The following CNOT6L variants were observed in gnomAD, a reference collection of about 807,000 sequenced individuals.
CNOT6L encodes the protein CCR4-NOT transcription complex subunit 6 like, also known as CCR4-NOT transcription complex subunit 6-like.
Under a neutral mutation model 64.0 loss-of-function variants are expected in CNOT6L, and 7 were observed. The ratio of observed to expected loss-of-function variants is 0.11; its 90% CI spans 0.06 to 0.21. The LOEUF is 0.21. Ranked by LOEUF, CNOT6L falls within the 10% of genes least tolerant of loss-of-function variation. The pLI, the probability that CNOT6L is intolerant of heterozygous loss-of-function variation, is 1.00. For missense variants in CNOT6L, 245 were observed against 669.0 expected (o/e 0.37, Z 6.99); for synonymous variants, 193 against 243.4 (o/e 0.79, Z 1.93).
At chr4:77,786,470 A>G (rs1252060401) in intron 1 of CNOT6L, among the ~76,000 whole-genome samples, 1 of 152,088 alleles carries the variant, frequency 6.6e-6, no homozygotes, top group African/African-American at 2.4e-5. Context: ...AAATAAAAGT[A>G]AATTAAAAAA....
In CNOT6L at chr4:77,718,430, A is replaced by G. The variant is rs1720966315; in HGVS notation, c.*2001T>C. 6.6e-6 allele frequency: 1 copy of G among 152,654 alleles called. No individual in the cohort carries two copies. The highest frequency in any genetic ancestry group is 2.1e-4 in the South Asian group (1 of 4,832). The allele number at this position is 152,654 out of a possible 1,614,324, so 9.5% of individuals were successfully genotyped here. A position where few individuals can be genotyped will look rare whatever the true frequency, so the allele number is the denominator to read the frequency against. ...TAGATGTTGGATACTTGAGGTATAT[A>G]AGAAGGGAAACCTGCATGTTGAGGA... On this transcript the variant is annotated 3_prime_UTR_variant, in exon 12 of 12. Coordinates refer to ENST00000504123, the MANE Select transcript of CNOT6L (RefSeq NM_144571.3).
intron 4 of CNOT6L, among the ~76,000 whole-genome samples, chr4:77,759,165 AAACTGATAC>A (rs1290617484): frequency 6.6e-6 from 1 of 152,056 alleles, no homozygotes; most frequent in African/African-American, 2.4e-5. Flanking sequence ...TTAAATAAAT[AAACTGATAC>A]AAGATGCACA....
chr4:77,724,813 A>G (rs1444476833), intron 11 of CNOT6L, among the ~76,000 whole-genome samples: 2 of 151,762 alleles, frequency 1.3e-5, no homozygotes, highest in Non-Finnish European at 2.9e-5. Context: ...AGTTACAAGG[A>G]TAGGATTTAA....
chr4:77,728,352 A>G (rs1023638114), intron 10 of CNOT6L, among the ~76,000 whole-genome samples: 1 of 152,212 alleles, frequency 6.6e-6, no homozygotes, highest in Admixed American at 6.5e-5. Flanking sequence ...ATCAACTGCA[A>G]ATCCCTCCCC....
chr4:77,805,065 A>C lies in CNOT6L; in HGVS notation c.5+14239T>G, dbSNP rs557687103. 2.6e-3 allele frequency among the ~76,000 whole-genome samples: 403 copies of C among 152,228 alleles called. 5 individuals are homozygous for C. The highest frequency in any genetic ancestry group is 2.0e-3 in the Non-Finnish European group (137 of 68,004). On this transcript the variant is annotated intron_variant, in intron 1 of 11. Transcript: ENST00000504123. The stretch of plus-strand genomic sequence containing the variant: ...GAGAAACCCATGTATATAGAGGGCC[A>C]ATTTTTCATATACATGGCAGGACCT...
At chr4:77,811,894 A>G (rs1474162596) in intron 1 of CNOT6L, among the ~76,000 whole-genome samples, 1 of 142,010 alleles carries the variant, frequency 7.0e-6, no homozygotes, top group African/African-American at 2.6e-5. Context: ...AAAAAAAAAA[A>G]TCACAGCTAA....
chr4:77,729,354 T>C (rs1399431559), intron 9 of CNOT6L, among the ~76,000 whole-genome samples: 1 of 152,196 alleles, frequency 6.6e-6, no homozygotes, highest in Non-Finnish European at 1.5e-5. Flanking sequence ...CCTTTAAATA[T>C]CTGTCATTTA....
At chr4:77,805,989 C>T (rs1222359481) in intron 1 of CNOT6L, among the ~76,000 whole-genome samples, 1 of 152,334 alleles carries the variant, frequency 6.6e-6, no homozygotes, top group African/African-American at 2.4e-5. Context: ...CCTGCCTCTT[C>T]CGTTTTTCTC....
intron 6 of CNOT6L, among the ~76,000 whole-genome samples, chr4:77,747,943 T>C (rs946200903): frequency 1.3e-5 from 2 of 152,224 alleles, no homozygotes; most frequent in Non-Finnish European, 2.9e-5. Context: ...ATCATTGTTC[T>C]CATTTTTCTT....
chr4:77,819,338 G>A lies in CNOT6L; in HGVS notation c.-30C>T. 6.2e-7 allele frequency: 1 copy of A among 1,613,280 alleles called. No individual in the cohort carries two copies. Among genetic ancestry groups the A allele is most frequent in the East Asian group, 2.2e-5 (1 of 44,782 alleles). ...TTCCTCTGGCCCAGAAGCAACAGCA[G>A]CCATTTCCCCGCGGCAGGGGAAACA... On this transcript the variant is annotated 5_prime_UTR_variant, in exon 1 of 12. Transcript: ENST00000504123.
intron 1 of CNOT6L, among the ~76,000 whole-genome samples, chr4:77,810,945 T>C (rs1732868548): frequency 6.6e-6 from 1 of 152,174 alleles, no homozygotes; most frequent in South Asian, 2.1e-4. Context: ...GTCCTCTAGT[T>C]CCATCCAAGT....
intron 1 of CNOT6L, among the ~76,000 whole-genome samples, chr4:77,818,453 A>G (rs1199385128): frequency 6.6e-6 from 1 of 152,220 alleles, no homozygotes; most frequent in Non-Finnish European, 1.5e-5. Context: ...TAATTAAAAA[A>G]AAAAAAATCT....
chr4:77,730,911 A>G (rs978743795), intron 9 of CNOT6L, among the ~76,000 whole-genome samples: 1 of 152,092 alleles, frequency 6.6e-6, no homozygotes, highest in Non-Finnish European at 1.5e-5. Flanking sequence ...TAAATAATCT[A>G]AAATGCTAAA....
At chr4:77,720,760 T>C (rs1169457856) in intron 11 of CNOT6L, 117 bp from the exon 12 acceptor site, 10 of 977,924 alleles carry the variant, frequency 1.0e-5, no homozygotes, top group Admixed American at 7.5e-5. Context: ...GTTGTCTTGA[T>C]AGTGGGTCAA....
chr4:77,786,300 A>C (rs1729436668), intron 1 of CNOT6L, among the ~76,000 whole-genome samples: 1 of 150,400 alleles, frequency 6.6e-6, no homozygotes, highest in Non-Finnish European at 1.5e-5. Context: ...AAAGAAAGAG[A>C]GACAGAGAGA....
chr4:77,760,879 T>TTTTTTTTTTG, intron 4 of CNOT6L, among the ~76,000 whole-genome samples: 1 of 128,384 alleles, frequency 7.8e-6, no homozygotes, highest in Non-Finnish European at 1.7e-5. Context: ...TTTTTTTTTT[T>TTTTTTTTTTG]TTTTTTTTTT....
intron 1 of CNOT6L, among the ~76,000 whole-genome samples, chr4:77,811,112 A>G (rs1375173810): frequency 1.3e-5 from 2 of 152,180 alleles, no homozygotes; most frequent in African/African-American, 4.8e-5. Context: ...CTATCAAGCT[A>G]TTCAGTAAGA....
chr4:77,769,131 CAT>C (rs1211658691), intron 4 of CNOT6L, among the ~76,000 whole-genome samples: 1 of 152,084 alleles, frequency 6.6e-6, no homozygotes, highest in Non-Finnish European at 1.5e-5. Context: ...ATGGCTGAAT[CAT>C]AAAAACATAA....
At chr4:77,776,196 C>T (rs904598109) in intron 2 of CNOT6L, 75 bp downstream of exon 2, 104 of 1,470,866 alleles carry the variant, frequency 7.1e-5, no homozygotes, top group East Asian at 9.2e-5. Context: ...AAATGTACAA[C>T]AAAAAATATA....
Sources: gnomAD v4.1 joint callset for allele counts (sites outside exome capture counted in the v4.1 genomes callset) on GRCh38, gnomAD v4.1.1 for gene constraint, MANE v1.5 for transcripts, NCBI Gene and HGNC (gene_info 2026-07-23, HGNC 2026-07-21) for gene names.